Variants in NFATC1 observed in about 807,000 individuals in gnomAD.
NFATC1 encodes the protein nuclear factor of activated T cells 1.
In NFATC1, 22 loss-of-function variants were observed where a neutral mutation model predicts 76.0. That is an observed-to-expected ratio of 0.29 (90% CI 0.21 to 0.41). The LOEUF (loss-of-function observed/expected upper bound fraction) is 0.41. NFATC1 is among the 10% of genes least tolerant of loss of function. The pLI is 1.00. For missense variants in NFATC1, 1,357 were observed against 1,337.7 expected, an observed-to-expected ratio of 1.01 and a Z score of -0.23; for synonymous variants, 704 against 613.1, an observed-to-expected ratio of 1.15 and a Z score of -2.19.
In NFATC1 at chr18:79,450,981, CAG is replaced by C; in HGVS notation, c.1619_1620del (p.Arg540LysfsTer5). 6.2e-7 allele frequency: 1 copy of C among 1,613,770 alleles called. No homozygotes were observed. Among genetic ancestry groups the C allele is most frequent in the Non-Finnish European group, 8.5e-7 (1 of 1,179,928 alleles). ...TTGACTGTGCCGGAATCCTGAAACTCAGAAACTCCGACATTGAACTTCGGAAA... is the reference window on the plus strand; with the variant it reads ...TTGACTGTGCCGGAATCCTGAAACTCAAACTCCGACATTGAACTTCGGAAA... ...VIDCAGILKL[R>X]NSDIELRKGE... On this transcript the variant is annotated frameshift_variant, in exon 5 of 10. Transcript: ENST00000427363. LOFTEE classifies it high-confidence loss of function.
At chr18:79,422,798 C>T (rs1448300082) in intron 2 of NFATC1, 1 of 152,242 alleles carries the variant, frequency 6.6e-6, no homozygotes, top group African/African-American at 2.4e-5. Context: ...GTGCTTTCTC[C>T]CATCTGTAGT....
chr18:79,440,800 G>A (rs2086944001), intron 3 of NFATC1, among the ~76,000 whole-genome samples: 2 of 152,282 alleles, frequency 1.3e-5, no homozygotes, highest in Admixed American at 6.5e-5. Context: ...GGAACGAGAT[G>A]TGGTTTCAGA....
At chr18:79,473,310 T>A (rs1290564807) in intron 8 of NFATC1, among the ~76,000 whole-genome samples, 1 of 152,272 alleles carries the variant, frequency 6.6e-6, no homozygotes, top group African/African-American at 2.4e-5. Context: ...CAGCTTTTAT[T>A]AAATTTCAGT....
intron 1 of NFATC1, among the ~76,000 whole-genome samples, chr18:79,409,329 C>T (rs1322461140): frequency 9.7e-6 from 1 of 102,998 alleles, no homozygotes; most frequent in Admixed American, 1.2e-4. Context: ...CCTATCCATT[C>T]ATTCATCCAT....
At chr18:79,482,254 C>T (rs1176109005) in intron 8 of NFATC1, among the ~76,000 whole-genome samples, 2 of 144,260 alleles carry the variant, frequency 1.4e-5, no homozygotes, top group Non-Finnish European at 3.0e-5. Flanking sequence ...CCAGCGTGAC[C>T]TCGTTCCTGG....
intron 8 of NFATC1, chr18:79,469,702 C>T: frequency 2.0e-6 from 2 of 985,968 alleles, no homozygotes; most frequent in Non-Finnish European, 2.4e-6. Context: ...TCACCCTGGG[C>T]ACCAGCCTTC....
chr18:79,480,899 G>T (rs1402305256), intron 8 of NFATC1, among the ~76,000 whole-genome samples: 1 of 152,234 alleles, frequency 6.6e-6, no homozygotes, highest in Admixed American at 6.5e-5. Flanking sequence ...GCGGAGAGAG[G>T]ATCCCAACAG....
At chr18:79,506,884 C>T (rs1181267228) in intron 9 of NFATC1, among the ~76,000 whole-genome samples, 1 of 152,162 alleles carries the variant, frequency 6.6e-6, no homozygotes, top group African/African-American at 2.4e-5. Context: ...AAACAGGGTT[C>T]TTCCTTCCTT....
At chr18:79,456,643 C>G (rs1600774164) in intron 6 of NFATC1, among the ~76,000 whole-genome samples, 1 of 152,332 alleles carries the variant, frequency 6.6e-6, no homozygotes, top group East Asian at 1.9e-4. Context: ...CCCTTTCGGC[C>G]CTTGCTGTCC....
chr18:79,424,809 GTCTCTGTC>G (rs1208667079), intron 2 of NFATC1, among the ~76,000 whole-genome samples: 1 of 121,726 alleles, frequency 8.2e-6, no homozygotes, highest in African/African-American at 2.7e-5. Flanking sequence ...GTGTCTGTCT[GTCTCTGTC>G]TCTCTGTCTC....
chr18:79,426,263 C>T (rs1383959963), intron 2 of NFATC1, among the ~76,000 whole-genome samples: 2 of 151,698 alleles, frequency 1.3e-5, no homozygotes, highest in African/African-American at 2.4e-5. Flanking sequence ...CCCCCTCTGT[C>T]CCAGCGCAGA....
chr18:79,415,910 A>C (rs2085860262), intron 2 of NFATC1, among the ~76,000 whole-genome samples: 1 of 152,024 alleles, frequency 6.6e-6, no homozygotes, highest in Non-Finnish European at 1.5e-5. Context: ...AAAAGTACAC[A>C]AATTAGCTGG....
chr18:79,451,652 A>G, intron 5 of NFATC1, 24 bp from the exon 6 acceptor site: 1 of 1,560,524 alleles, frequency 6.4e-7, no homozygotes, highest in Non-Finnish European at 8.7e-7. Context: ...ACAGGCCCTC[A>G]CTGCCCCTCT....
rs1198040816 is a variant in NFATC1, at chr18:79,487,724, TCGCGCTGTGATCGGGG to T, written c.2782+790_2782+805del. 7.2e-5 allele frequency among the ~76,000 whole-genome samples: 11 copies of T among 152,306 alleles called. 1 individual carries two copies. Among genetic ancestry groups the T allele is most frequent in the African/African-American group, 2.4e-4 (10 of 41,584 alleles). On this transcript the variant is annotated intron_variant, in intron 9 of 9. Coordinates refer to ENST00000427363, the MANE Select transcript of NFATC1 (RefSeq NM_001278669.2). ...AAGGCGCAGCCCGACTTGCTTGCAG[TCGCGCTGTGATCGGGG>T]CGTGCCCGTGGCCCTGGTGACCACG...
intron 3 of NFATC1, among the ~76,000 whole-genome samples, chr18:79,446,617 C>T (rs1049952640): frequency 5.9e-5 from 9 of 152,138 alleles, no homozygotes; most frequent in Admixed American, 2.6e-4. Context: ...GTCTCTCTTC[C>T]GAGGAGCTGA....
intron 8 of NFATC1, among the ~76,000 whole-genome samples, chr18:79,479,410 C>T (rs1027148189): frequency 6.6e-6 from 1 of 152,224 alleles, no homozygotes; most frequent in Non-Finnish European, 1.5e-5. Flanking sequence ...GGCGCTCTTG[C>T]AGACGCTCAC....
In NFATC1 at chr18:79,436,374, C is replaced by T. The variant is rs1275356569; in HGVS notation, c.1386+2636C>T. The stretch of plus-strand genomic sequence containing the variant: ...TTCTCTTCGTTGTGAATCGTCTGTC[C>T]GCTGCATCTCAAAAAGCTTGTCCAG... On this transcript the variant is annotated intron_variant, in intron 3 of 9. Coordinates refer to ENST00000427363, the MANE Select transcript of NFATC1 (RefSeq NM_001278669.2). Among the ~76,000 whole-genome samples the T allele has an allele frequency of 5.9e-5, 9 of 152,320 alleles. No homozygotes were observed. The East Asian group carries it at 9.6e-4, about 16-fold the overall frequency.
At chr18:79,462,546 C>T (rs1249834000) in intron 7 of NFATC1, among the ~76,000 whole-genome samples, 4 of 152,174 alleles carry the variant, frequency 2.6e-5, no homozygotes, top group Non-Finnish European at 4.4e-5. Flanking sequence ...TCAGGTGATC[C>T]GCCCGCCTCG....
intron 2 of NFATC1, chr18:79,421,489 G>A (rs78124041): frequency 0.08 from 12,212 of 152,570 alleles, 678 homozygotes; most frequent in Non-Finnish European, 0.11. Context: ...CCAGGGGTCT[G>A]GGAGTGCAGT....
Sources: allele counts gnomAD v4.1 joint callset (sites outside exome capture counted in the v4.1 genomes callset), GRCh38; gene constraint gnomAD v4.1.1; transcripts MANE v1.5; gene names NCBI Gene and HGNC (gene_info 2026-07-23, HGNC 2026-07-21).